SYTL4: variants seen among roughly 807,000 people sequenced by gnomAD.
SYTL4 encodes the protein synaptotagmin like 4, also known as synaptotagmin-like protein 4.
A neutral mutation model predicts 52.7 loss-of-function variants in SYTL4; 16 were observed. The ratio of observed to expected loss-of-function variants is 0.30; its 90% CI spans 0.21 to 0.46. The LOEUF (loss-of-function observed/expected upper bound fraction) is 0.46, where lower values mean the gene tolerates loss of function less well. Among genes scored for constraint, SYTL4 ranks in the 20% least tolerant of loss-of-function variants. The pLI, the probability that SYTL4 is intolerant of heterozygous loss-of-function variation, is 1.00. For missense variants in SYTL4, 423 were observed against 519.9 expected (o/e 0.81, Z 1.81); for synonymous variants, 160 against 186.6 (o/e 0.86, Z 1.16).
At chrX:100,679,510 C>T in intron 17 of SYTL4, 98 bp from the exon 18 acceptor site, 2 of 649,477 alleles carry the variant, frequency 3.1e-6, no homozygotes, top group Non-Finnish European at 4.9e-6. Flanking sequence ...CTCCTAAAGG[C>T]AGCGAGCTCC....
chrX:100,721,465 C>G (rs2084338332), intron 2 of SYTL4, among the ~76,000 whole-genome samples: 1 of 111,958 alleles, frequency 8.9e-6, no homozygotes, highest in African/African-American at 3.3e-5. Flanking sequence ...ATTTCTGTAC[C>G]TTTGGTGCCT....
chrX:100,701,767 G>C, intron 5 of SYTL4, 94 bp from the exon 6 acceptor site: 1 of 948,242 alleles, frequency 1.1e-6, no homozygotes, highest in Non-Finnish European at 1.5e-6. Flanking sequence ...AGACTATTTG[G>C]TTCTGTGGAA....
At chrX:100,726,155 G>A (rs982818260) in intron 2 of SYTL4, among the ~76,000 whole-genome samples, 2 of 108,001 alleles carry the variant, frequency 1.9e-5, no homozygotes, top group African/African-American at 6.8e-5. Flanking sequence ...CTGGTCTGAT[G>A]AGTGCTGCCA....
At chrX:100,698,328 C>A (rs1179894175) in intron 8 of SYTL4, among the ~76,000 whole-genome samples, 2 of 111,240 alleles carry the variant, frequency 1.8e-5, no homozygotes, top group South Asian at 4.0e-4. Context: ...TGGTCTCGAT[C>A]TCCTGACCTT....
In SYTL4 at chrX:100,678,613, G is replaced by A; in HGVS notation, c.1659-14C>T. 13 of 1,186,359 alleles carry A rather than the reference G, an allele frequency of 1.1e-5. No homozygotes were observed. The highest frequency in any genetic ancestry group is 1.5e-5 in the Non-Finnish European group (13 of 872,713). On this transcript the variant is annotated splice_polypyrimidine_tract_variant and intron_variant, in intron 18 of 19. Coordinates refer to ENST00000372989, the MANE Select transcript of SYTL4 (RefSeq NM_001370165.1). ...GGAAGGAGGTATCTGGCAGAGGGCG[G>A]GGAGTAATCAACAGCCTACTCAAAG... is the stretch of plus-strand genomic sequence containing the variant.
At chrX:100,678,813 G>T (rs1001691640) in intron 18 of SYTL4, 20 of 406,273 alleles carry the variant, frequency 4.9e-5, no homozygotes, top group Non-Finnish European at 8.1e-5. Flanking sequence ...GAGAGAAAAT[G>T]AATATAATAG....
intron 2 of SYTL4, among the ~76,000 whole-genome samples, chrX:100,706,277 C>T (rs771523095): frequency 3.6e-5 from 4 of 112,267 alleles, no homozygotes; most frequent in South Asian, 3.7e-4. Context: ...TCATCTCACA[C>T]TCCCACTTCC....
chrX:100,724,160 C>T (rs1407532112), intron 2 of SYTL4, among the ~76,000 whole-genome samples: 1 of 93,109 alleles, frequency 1.1e-5, no homozygotes, highest in Non-Finnish European at 2.1e-5. Flanking sequence ...GTCAGCCCCC[C>T]ACACGGCCAG....
At chrX:100,724,182 G>T in intron 2 of SYTL4, among the ~76,000 whole-genome samples, 1 of 98,445 alleles carries the variant, frequency 1.0e-5, no homozygotes, top group Non-Finnish European at 2.1e-5. Context: ...CGCCCCGTCC[G>T]GGAGGGAGGT....
chrX:100,707,007 G>A (rs1446827434), intron 2 of SYTL4, among the ~76,000 whole-genome samples: 2 of 111,179 alleles, frequency 1.8e-5, no homozygotes, highest in African/African-American at 3.3e-5. Context: ...CAAAATGAGA[G>A]GTTAACATAT....
chrX:100,683,509 T>G (rs2147691739), intron 16 of SYTL4, among the ~76,000 whole-genome samples: 1 of 111,278 alleles, frequency 9.0e-6, no homozygotes, highest in African/African-American at 3.3e-5. Context: ...CCCCATAAGT[T>G]TGGATCAACA....
chrX:100,689,912 C>T lies in SYTL4; in HGVS notation c.856G>A (p.Glu286Lys). 3 of 1,210,431 alleles carry T rather than the reference C, an allele frequency of 2.5e-6. No individual in the cohort carries two copies. The highest frequency in any genetic ancestry group is 3.4e-6 in the Non-Finnish European group (3 of 894,579). ...CTTCTGTCTCCCAAGGAGCCACTTT[C>T]ATGTACCACATCTTCTGGGCGAAGA... ...IDLRPEDVVH[E>K]SGSLGDRSKS... Residue 286 changes from glutamate (E) to lysine (K), a missense_variant, in exon 12 of 20, where the codon GAA (glutamate) becomes AAA (lysine). Glu to Lys is a moderately conservative substitution (Grantham distance 56). Coordinates refer to ENST00000372989, the MANE Select transcript of SYTL4 (RefSeq NM_001370165.1).
chrX:100,700,452 T>C (rs1270867336), intron 8 of SYTL4, among the ~76,000 whole-genome samples: 1 of 112,035 alleles, frequency 8.9e-6, no homozygotes, highest in Admixed American at 9.5e-5. Flanking sequence ...TTTAATTTAT[T>C]ATACTATGAT....
At chrX:100,718,780 C>T (rs910835510) in intron 2 of SYTL4, among the ~76,000 whole-genome samples, 22 of 104,227 alleles carry the variant, frequency 2.1e-4, no homozygotes, top group Non-Finnish European at 1.6e-4. Context: ...TGTGCTGAGG[C>T]ATTTTGTGCT....
intron 13 of SYTL4, 159 bp downstream of exon 13, chrX:100,688,192 C>G (rs2083510244): frequency 2.2e-6 from 1 of 449,251 alleles, no homozygotes; most frequent in African/African-American, 2.4e-5. Flanking sequence ...CACTAAGCAC[C>G]TATAGTCTAA....
At chrX:100,718,730 G>A (rs942077853) in intron 2 of SYTL4, among the ~76,000 whole-genome samples, 1 of 111,109 alleles carries the variant, frequency 9.0e-6, no homozygotes, top group East Asian at 2.8e-4. Context: ...GGCTCCCTAC[G>A]ATCCTTTTCA....
At position 100,689,437 on chromosome X, in the gene SYTL4, C is replaced by A. The variant is rs183594860; in HGVS notation, c.912+419G>T. Reference sequence around the variant, plus strand: ...TGGATCACCTGAGGTCAGGAGTTTGCGACCAGCCTGGCCAACATGGTGAAA... The same window carrying A: ...TGGATCACCTGAGGTCAGGAGTTTGAGACCAGCCTGGCCAACATGGTGAAA... On this transcript the variant is annotated intron_variant, in intron 12 of 19. Transcript: ENST00000372989. Among the ~76,000 whole-genome samples the A allele has an allele frequency of 4.8e-5, 5 of 105,018 alleles. No individual in the cohort carries two copies. In the East Asian group the frequency reaches 1.2e-3, roughly 25 times the overall value. 91.2% of individuals were successfully genotyped at this position (105,018 alleles called of 115,157 possible). A position where few individuals can be genotyped will look rare whatever the true frequency, so the allele number is the denominator to read the frequency against.
chrX:100,704,982 T>A (rs2083928039), intron 2 of SYTL4, 96 bp from the exon 3 acceptor site: 1 of 112,331 alleles, frequency 8.9e-6, no homozygotes, highest in African/African-American at 3.2e-5. Flanking sequence ...TGGTCTTTAT[T>A]GAACTATAAG....
intron 2 of SYTL4, among the ~76,000 whole-genome samples, chrX:100,716,151 G>A (rs1602899779): frequency 9.2e-6 from 1 of 108,317 alleles, no homozygotes; most frequent in South Asian, 4.1e-4. Flanking sequence ...ATAATCTAAA[G>A]GTAAAAGAGT....
Sources: allele counts gnomAD v4.1 joint callset (sites outside exome capture counted in the v4.1 genomes callset), GRCh38; gene constraint gnomAD v4.1.1; transcripts MANE v1.5; gene names NCBI Gene and HGNC (gene_info 2026-07-23, HGNC 2026-07-21).